Variants in ERLIN1 observed in about 807,000 individuals in gnomAD.
ERLIN1 encodes erlin-1.
Under a neutral mutation model 46.9 loss-of-function variants are expected in ERLIN1, and 24 were observed. The observed-to-expected ratio is 0.51, with a 90% CI of 0.37 to 0.72. The LOEUF is 0.72. Ranked by LOEUF, ERLIN1 falls within the 30% of genes least tolerant of loss-of-function variation. ERLIN1 has a pLI of 0.00. For synonymous variants in ERLIN1, 158 were observed against 143.2 expected (o/e 1.10, Z -0.74); for missense variants, 293 against 417.9 (o/e 0.70, Z 2.61).
chr10:100,155,023 G>T, intron 9 of ERLIN1, 84 bp from the exon 10 acceptor site: 2 of 1,124,938 alleles, frequency 1.8e-6, no homozygotes, highest in Non-Finnish European at 1.3e-6. Context: ...TATTGTGACT[G>T]CTTATTTCAC....
chr10:100,182,978 G>C (rs1005793805), intron 2 of ERLIN1, among the ~76,000 whole-genome samples: 1 of 152,192 alleles, frequency 6.6e-6, no homozygotes, highest in Non-Finnish European at 1.5e-5. Flanking sequence ...AGAAAACCTA[G>C]GGGATTTAAG....
intron 1 of ERLIN1, 37 bp downstream of exon 1, chr10:100,185,477 T>C (rs1844911234): frequency 6.7e-7 from 1 of 1,495,106 alleles, no homozygotes; most frequent in Non-Finnish European, 9.3e-7. Flanking sequence ...CCTTTTAATC[T>C]GCTCTAGAGC....
In ERLIN1 at chr10:100,152,032, G is replaced by A. The variant is rs1222451846; in HGVS notation, c.*99C>T. 1 of 792,046 alleles carries A rather than the reference G, an allele frequency of 1.3e-6. No homozygotes were observed. The highest frequency in any genetic ancestry group is 1.5e-5 in the South Asian group (1 of 68,802). The allele number at this position is 792,046 out of a possible 1,614,324, so 49.1% of individuals were successfully genotyped here. A position where few individuals can be genotyped will look rare whatever the true frequency, so the allele number is the denominator to read the frequency against. ...TCGCAGGAGAGGTGGAACAGATGAA[G>A]TGTAAGTTCTCTGTAAATCTGAAGA... On this transcript the variant is annotated 3_prime_UTR_variant, in exon 11 of 11. Transcript: ENST00000421367.
rs79389608 is a variant in ERLIN1 at position 100,177,193 on chromosome 10, C to T, written c.304+940G>A. 2.0e-5 allele frequency among the ~76,000 whole-genome samples: 3 copies of T among 152,100 alleles called. No homozygotes were observed. In the East Asian group the frequency reaches 5.8e-4, roughly 29 times the overall value. ...GACTAAATCATTTGCTTGATCATTTCCCAAATGAATTATATCTAAATAGTT... is the reference window on the plus strand; with the variant it reads ...GACTAAATCATTTGCTTGATCATTTTCCAAATGAATTATATCTAAATAGTT... On this transcript the variant is annotated intron_variant, in intron 4 of 10. Coordinates refer to ENST00000421367, the MANE Select transcript of ERLIN1 (RefSeq NM_006459.4).
chr10:100,172,336 A>T (rs1844050845), intron 6 of ERLIN1, among the ~76,000 whole-genome samples: 2 of 152,238 alleles, frequency 1.3e-5, no homozygotes, highest in African/African-American at 4.8e-5. Context: ...GTCGAGAAAG[A>T]TATAACAAAT....
chr10:100,159,749 C>T (rs1291507745), intron 8 of ERLIN1, among the ~76,000 whole-genome samples: 1 of 151,652 alleles, frequency 6.6e-6, no homozygotes, highest in East Asian at 1.9e-4. Flanking sequence ...CATTTCAAAA[C>T]CTGTGAAACA....
chr10:100,172,796 C>T (rs890973221), intron 6 of ERLIN1, among the ~76,000 whole-genome samples: 10 of 152,156 alleles, frequency 6.6e-5, no homozygotes, highest in African/African-American at 2.2e-4. Flanking sequence ...GTTCATTACA[C>T]TATTGTTTAA....
intron 2 of ERLIN1, among the ~76,000 whole-genome samples, chr10:100,181,001 A>G (rs1239862500): frequency 6.6e-6 from 1 of 152,266 alleles, no homozygotes; most frequent in Non-Finnish European, 1.5e-5. Context: ...TCTTAGGTTG[A>G]GACATTAGAA....
intron 8 of ERLIN1, among the ~76,000 whole-genome samples, chr10:100,161,625 T>C (rs1217129446): frequency 1.3e-5 from 2 of 152,130 alleles, no homozygotes; most frequent in African/African-American, 4.8e-5. Context: ...TAGTTAGGAA[T>C]AGTTAACAGG....
rs540582024 is a variant in ERLIN1, at chr10:100,180,009, G to A, written c.196-762C>T. 1.2e-4 allele frequency among the ~76,000 whole-genome samples: 19 copies of A among 152,328 alleles called. 2 individuals are homozygous for A. The South Asian group carries it at 3.9e-3, about 32-fold the overall frequency. On this transcript the variant is annotated intron_variant, in intron 2 of 10. Coordinates refer to ENST00000421367, the MANE Select transcript of ERLIN1 (RefSeq NM_006459.4). ...TACTCTAAGACTCAAAGCTGCCCTTGAATCCAACAGCAACCTTTCTTCTCT... is the reference window on the plus strand; with the variant it reads ...TACTCTAAGACTCAAAGCTGCCCTTAAATCCAACAGCAACCTTTCTTCTCT...
At chr10:100,165,512 G>A (rs933838445) in intron 7 of ERLIN1, among the ~76,000 whole-genome samples, 1 of 148,142 alleles carries the variant, frequency 6.8e-6, no homozygotes, top group Non-Finnish European at 1.5e-5. Context: ...TCAGCCTCCC[G>A]AGTAGCTGGG....
chr10:100,170,824 G>A (rs937391172), intron 6 of ERLIN1, among the ~76,000 whole-genome samples: 2 of 152,052 alleles, frequency 1.3e-5, no homozygotes, highest in African/African-American at 4.8e-5. Context: ...AAAAGACCAA[G>A]GACTCAATAA....
chr10:100,182,353 C>T (rs1844708952), intron 2 of ERLIN1, among the ~76,000 whole-genome samples: 1 of 152,012 alleles, frequency 6.6e-6, no homozygotes, highest in South Asian at 2.1e-4. Context: ...TTTTAAGGGT[C>T]TAATGCTGCC....
At chr10:100,153,646 T>C (rs548574070) in intron 10 of ERLIN1, among the ~76,000 whole-genome samples, 1 of 152,354 alleles carries the variant, frequency 6.6e-6, no homozygotes, top group Admixed American at 6.5e-5. Flanking sequence ...AATCTGGTCA[T>C]AGTGCACAAC....
chr10:100,167,717 T>C (rs766491590), intron 6 of ERLIN1, among the ~76,000 whole-genome samples: 20 of 152,268 alleles, frequency 1.3e-4, no homozygotes, highest in Non-Finnish European at 2.5e-4. Flanking sequence ...GGTCGTTAGA[T>C]ACTTTTGCTT....
At chr10:100,153,991 C>T (rs1842937479) in intron 10 of ERLIN1, among the ~76,000 whole-genome samples, 1 of 152,240 alleles carries the variant, frequency 6.6e-6, no homozygotes, top group Non-Finnish European at 1.5e-5. Flanking sequence ...TTATGTTGTT[C>T]CTTTCTAAAT....
intron 9 of ERLIN1, among the ~76,000 whole-genome samples, chr10:100,155,457 G>GTT (rs147832945): frequency 6.9e-6 from 1 of 144,650 alleles, no homozygotes; most frequent in African/African-American, 2.6e-5. Context: ...AATTAATTTT[G>GTT]TTTTTTTTTT....
chr10:100,182,279 T>C (rs1460584640), intron 2 of ERLIN1, among the ~76,000 whole-genome samples: 3 of 151,190 alleles, frequency 2.0e-5, no homozygotes, highest in Non-Finnish European at 3.0e-5. Flanking sequence ...ATCCACCTGC[T>C]TCAGCCTCCC....
chr10:100,172,872 G>C (rs1844082202), intron 6 of ERLIN1, among the ~76,000 whole-genome samples: 1 of 152,178 alleles, frequency 6.6e-6, no homozygotes, highest in African/African-American at 2.4e-5. Flanking sequence ...AACAACAGTT[G>C]AATGAGCTAG....
Sources: gnomAD v4.1 joint callset for allele counts (sites outside exome capture counted in the v4.1 genomes callset) on GRCh38, gnomAD v4.1.1 for gene constraint, MANE v1.5 for transcripts, NCBI Gene and HGNC (gene_info 2026-07-23, HGNC 2026-07-21) for gene names.